LRP1B: variants seen among roughly 807,000 people sequenced by gnomAD.
LRP1B encodes the protein LDL receptor related protein 1B.
A neutral mutation model predicts 556.6 loss-of-function variants in LRP1B; 217 were observed. The observed-to-expected ratio is 0.39, with a 90% CI of 0.35 to 0.44. LRP1B has a LOEUF of 0.44. Among genes scored for constraint, LRP1B ranks in the 20% least tolerant of loss-of-function variants. The probability of loss-of-function intolerance (pLI) is 1.00; values close to 1 mark genes in which losing one functional copy is unlikely to be tolerated. For synonymous variants in LRP1B, 2,047 were observed against 1,865.8 expected, an observed-to-expected ratio of 1.10 and a Z score of -2.50; for missense variants, 5,053 against 5,620.8, an observed-to-expected ratio of 0.90 and a Z score of 3.23.
intron 85 of LRP1B, among the ~76,000 whole-genome samples, chr2:140,272,740 T>C (rs1252134777): frequency 1.3e-5 from 2 of 152,004 alleles, no homozygotes; most frequent in Non-Finnish European, 2.9e-5. Flanking sequence ...ACTTTAATCA[T>C]CTAACATGTT....
At chr2:141,289,111 C>T (rs1685840264) in intron 3 of LRP1B, among the ~76,000 whole-genome samples, 3 of 151,728 alleles carry the variant, frequency 2.0e-5, no homozygotes, top group African/African-American at 7.3e-5. Context: ...CGGCCGGGCG[C>T]GGTGGCTTAA....
chr2:141,388,999 A>G (rs1006613619), intron 3 of LRP1B, among the ~76,000 whole-genome samples: 5 of 152,194 alleles, frequency 3.3e-5, no homozygotes, highest in African/African-American at 1.2e-4. Flanking sequence ...TAAGACCTAA[A>G]TAAATGGAAT....
chr2:140,920,068 G>T (rs1478491308), intron 21 of LRP1B, among the ~76,000 whole-genome samples: 3 of 151,948 alleles, frequency 2.0e-5, no homozygotes, highest in Non-Finnish European at 4.4e-5. Context: ...ACAAGTAGCT[G>T]GAGGGCCTAT....
chr2:140,559,668 G>A (rs923884051), intron 43 of LRP1B, among the ~76,000 whole-genome samples: 7 of 151,264 alleles, frequency 4.6e-5, no homozygotes, highest in African/African-American at 1.7e-4. Flanking sequence ...CATATGGGGG[G>A]ACATTGGAGA....
intron 6 of LRP1B, among the ~76,000 whole-genome samples, chr2:141,203,084 CAT>C (rs1682111846): frequency 6.6e-6 from 1 of 152,128 alleles, no homozygotes; most frequent in East Asian, 1.9e-4. Context: ...GCTGCAAAAA[CAT>C]AGCAAATTGT....
At chr2:141,993,449 A>G (rs1195957074) in intron 1 of LRP1B, among the ~76,000 whole-genome samples, 2 of 151,644 alleles carry the variant, frequency 1.3e-5, no homozygotes, top group Non-Finnish European at 2.9e-5. Context: ...TCCACCTTCC[A>G]ATCTTCTAGC....
intron 51 of LRP1B, among the ~76,000 whole-genome samples, chr2:140,513,491 A>G (rs1418705380): frequency 2.6e-5 from 2 of 76,850 alleles, no homozygotes; most frequent in African/African-American, 1.1e-4. Context: ...CTAATTGATT[A>G]CTGACTTTTT....
chr2:140,840,917 C>T lies in LRP1B; in HGVS notation c.5114+1G>A, dbSNP rs2105097194. On this transcript the variant is annotated splice_donor_variant, in intron 30 of 90. Coordinates refer to ENST00000389484, the MANE Select transcript of LRP1B (RefSeq NM_018557.3). LOFTEE classifies it high-confidence loss of function. ...ACTTTAAAAAAAAAATCATACTTTACCCCCTGACTGGGTGAGCTGCAAGAC... is the reference window on the plus strand; with the variant it reads ...ACTTTAAAAAAAAAATCATACTTTATCCCCTGACTGGGTGAGCTGCAAGAC... 6.3e-7 allele frequency: 1 copy of T among 1,592,740 alleles called. No homozygotes were observed. The highest frequency in any genetic ancestry group is 8.5e-7 in the Non-Finnish European group (1 of 1,171,004).
intron 35 of LRP1B, among the ~76,000 whole-genome samples, chr2:140,751,078 C>A (rs1409904033): frequency 6.7e-6 from 1 of 150,210 alleles, no homozygotes. Context: ...CTGCAACTTC[C>A]ACCTCCTGGG....
intron 2 of LRP1B, among the ~76,000 whole-genome samples, chr2:141,789,269 C>G (rs186195499): frequency 6.6e-6 from 1 of 151,938 alleles, no homozygotes; most frequent in African/African-American, 2.4e-5. Flanking sequence ...CTAATACTTA[C>G]AGCATTGTTA....
rs929613199 is a variant in LRP1B at position 141,055,163 on chromosome 2, C to G, written c.1505G>C (p.Arg502Pro). 6.2e-7 allele frequency: 1 copy of G among 1,612,352 alleles called. No homozygotes were observed. Among genetic ancestry groups the G allele is most frequent in the Non-Finnish European group, 8.5e-7 (1 of 1,179,048 alleles). ...LSSSYKTRTC[R>P]CRTGFNLGSD... ...TCCCAAGTTGAAGCCAGTCCTGCAG[C>G]GACAAGTCCGAGTTTTGTAACTGCT... is the stretch of plus-strand genomic sequence containing the variant. The change falls in exon 10 of 91, where the codon CGC (arginine) becomes CCC (proline). Residue 502 changes from arginine (R) to proline (P), a missense_variant. Around this residue, in one of 5 missense-constraint regions of LRP1B, gnomAD observed 3,619 missense variants for 3,931.9 expected, o/e 0.92. Transcript: ENST00000389484.
chr2:141,560,478 G>T (rs1366783720), intron 2 of LRP1B, among the ~76,000 whole-genome samples: 1 of 151,640 alleles, frequency 6.6e-6, no homozygotes, highest in East Asian at 1.9e-4. Flanking sequence ...TTTCCAAAGG[G>T]AATTTATGTA....
Position 142,105,830 on chromosome 2 carries a change from A to C in LRP1B, c.82+24818T>G, listed in dbSNP as rs977775986. Among the ~76,000 whole-genome samples, 3 of 152,312 alleles carry C rather than the reference A, an allele frequency of 2.0e-5. No individual in the cohort carries two copies. The East Asian group carries it at 5.8e-4, about 29-fold the overall frequency. ...AAATTTATTTTAAATAATAATGTCT[A>C]AATTTACATGTTCCTTAAGGTTGTA... On this transcript the variant is annotated intron_variant, in intron 1 of 90. Transcript: ENST00000389484.
At chr2:141,926,967 G>C (rs1700350590) in intron 1 of LRP1B, among the ~76,000 whole-genome samples, 1 of 151,984 alleles carries the variant, frequency 6.6e-6, no homozygotes, top group African/African-American at 2.4e-5. Context: ...TTTTTAAAAA[G>C]ACTCTCTTTA....
intron 2 of LRP1B, among the ~76,000 whole-genome samples, chr2:141,735,450 T>C (rs541764589): frequency 7.5e-6 from 1 of 133,930 alleles, no homozygotes; most frequent in Non-Finnish European, 1.5e-5. Context: ...CAATAGAAGA[T>C]GGAACTATAA....
At chr2:141,624,757 T>C (rs1043363558) in intron 2 of LRP1B, among the ~76,000 whole-genome samples, 3 of 152,142 alleles carry the variant, frequency 2.0e-5, no homozygotes, top group Admixed American at 1.3e-4. Flanking sequence ...AATTTATTTA[T>C]GTATTTATTT....
chr2:141,820,528 A>G (rs966860263), intron 1 of LRP1B, among the ~76,000 whole-genome samples: 5 of 152,226 alleles, frequency 3.3e-5, no homozygotes, highest in African/African-American at 1.2e-4. Flanking sequence ...CCCATCCTGA[A>G]AAAATCAGCA....
chr2:141,578,205 A>G (rs1425954788), intron 2 of LRP1B, among the ~76,000 whole-genome samples: 1 of 151,998 alleles, frequency 6.6e-6, no homozygotes, highest in African/African-American at 2.4e-5. Context: ...ACCAACCTGA[A>G]CAACATGGTG....
Position 140,994,087 on chromosome 2 carries a change from C to T in LRP1B, c.2552G>A (p.Arg851His), listed in dbSNP as rs748947810. Residue 851 changes from arginine to histidine, a missense_variant, in exon 16 of 91, where the codon CGC becomes CAC. Coordinates refer to ENST00000389484, the MANE Select transcript of LRP1B (RefSeq NM_018557.3). ...TTGGATACAGTGTCTGTTTTTGCAG[C>T]GAAACTCTCCAGCTTTACATATGTG... ...LPHICKAGEF[R>H]CKNRHCIQAR... The T allele has an allele frequency of 2.6e-5, 42 of 1,612,430 alleles. No individual in the cohort carries two copies. The highest frequency in any genetic ancestry group is 6.7e-5 in the East Asian group (3 of 44,760).
Sources: gnomAD v4.1 joint callset for allele counts (sites outside exome capture counted in the v4.1 genomes callset) on GRCh38, gnomAD v4.1.1 for gene constraint, gnomAD v4.1.1 regional missense constraint, MANE v1.5 for transcripts, NCBI Gene and HGNC (gene_info 2026-07-23, HGNC 2026-07-21) for gene names.